The following ATP2B1 variants were observed in gnomAD, a reference collection of about 807,000 sequenced individuals.
The protein encoded by ATP2B1 is ATPase plasma membrane Ca2+ transporting 1.
A neutral mutation model predicts 124.2 loss-of-function variants in ATP2B1; 14 were observed. The observed-to-expected ratio is 0.11, with a 90% CI of 0.07 to 0.18. The LOEUF (loss-of-function observed/expected upper bound fraction) is 0.18, where lower values mean the gene tolerates loss of function less well. Among genes scored for constraint, ATP2B1 ranks in the 10% least tolerant of loss-of-function variants. ATP2B1 has a pLI of 1.00. For synonymous variants in ATP2B1, 449 were observed against 492.4 expected (o/e 0.91, Z 1.17); for missense variants, 763 against 1,466.1 (o/e 0.52, Z 7.83).
At chr12:89,659,816 G>C (rs544361561) in intron 1 of ATP2B1, among the ~76,000 whole-genome samples, 1 of 151,434 alleles carries the variant, frequency 6.6e-6, no homozygotes, top group East Asian at 1.9e-4. Context: ...CCAGCTACTC[G>C]GGAGGCTGAG....
chr12:89,697,225 G>A (rs1467685250), intron 1 of ATP2B1, among the ~76,000 whole-genome samples: 1 of 152,072 alleles, frequency 6.6e-6, no homozygotes, highest in African/African-American at 2.4e-5. Context: ...GTAATTATTT[G>A]GAAAAAATGT....
intron 7 of ATP2B1, among the ~76,000 whole-genome samples, chr12:89,626,838 G>C (rs1880956420): frequency 6.6e-6 from 1 of 152,158 alleles, no homozygotes; most frequent in South Asian, 2.1e-4. Flanking sequence ...TAGGTAATGA[G>C]GATGAGGCAT....
At chr12:89,702,870 G>A (rs1011672621) in intron 1 of ATP2B1, among the ~76,000 whole-genome samples, 8 of 152,014 alleles carry the variant, frequency 5.3e-5, no homozygotes, top group African/African-American at 1.7e-4. Flanking sequence ...CACCACATAC[G>A]ATTTGGAATA....
At chr12:89,624,080 A>C (rs2136105609) in intron 9 of ATP2B1, 103 bp downstream of exon 9, 1 of 982,142 alleles carries the variant, frequency 1.0e-6, no homozygotes, top group East Asian at 2.6e-5. Flanking sequence ...TTTATATGAA[A>C]GTCCTCACTT....
chr12:89,699,480 A>T (rs1891559692), intron 1 of ATP2B1, among the ~76,000 whole-genome samples: 1 of 152,244 alleles, frequency 6.6e-6, no homozygotes, highest in African/African-American at 2.4e-5. Flanking sequence ...GAATAAAGAA[A>T]TAAATGGTTG....
At position 89,610,546 on chromosome 12, in the gene ATP2B1, T is replaced by TA. The variant is rs1877802876; in HGVS notation, c.2248-39dup. Reference sequence around the variant, plus strand: ...ATCAAAGTTAAAATATGCCCAAACATAGTTTCTTAAATCCTAATGAGCTAT... The same window carrying TA: ...ATCAAAGTTAAAATATGCCCAAACATAAGTTTCTTAAATCCTAATGAGCTAT... On this transcript the variant is annotated intron_variant, in intron 13 of 20. Transcript: ENST00000428670. 5 of 1,526,122 alleles carry TA rather than the reference T, an allele frequency of 3.3e-6. No individual in the cohort carries two copies. In the African/African-American group the frequency reaches 5.5e-5, roughly 17 times the overall value. The allele number at this position is 1,526,122 out of a possible 1,614,324, so 94.5% of individuals were successfully genotyped here.
chr12:89,627,827 G>A, intron 6 of ATP2B1, 111 bp from the exon 7 acceptor site: 2 of 1,164,828 alleles, frequency 1.7e-6, no homozygotes, highest in South Asian at 1.4e-5. Context: ...AATGGTGTGT[G>A]TGTCTACAGA....
chr12:89,703,986 T>G (rs1444600312), intron 1 of ATP2B1, among the ~76,000 whole-genome samples: 1 of 152,186 alleles, frequency 6.6e-6, no homozygotes. Flanking sequence ...TGATTCTTCA[T>G]GCACATTAAT....
At position 89,708,664 on chromosome 12, in the gene ATP2B1, T is replaced by G. The variant is rs10858919; in HGVS notation, c.-290A>C. The G allele has an allele frequency of 0.93, 140,543 of 151,760 alleles. 65,410 individuals are homozygous for G. The highest frequency in any genetic ancestry group is 1 in the East Asian group (5,038 of 5,054). The allele number at this position is 151,760 out of a possible 1,614,324, so 9.4% of individuals were successfully genotyped here. A position where few individuals can be genotyped will look rare whatever the true frequency, so the allele number is the denominator to read the frequency against. On this transcript the variant is annotated 5_prime_UTR_variant, in exon 1 of 21. Transcript: ENST00000428670. The stretch of plus-strand genomic sequence containing the variant: ...CAGGCTGCGGGAGGGTCGCGGGGCG[T>G]TAAGGGGCAGCGGGAAACGCAGAGG...
intron 8 of ATP2B1, 72 bp downstream of exon 8, chr12:89,626,382 T>C (rs1880877690): frequency 2.0e-6 from 3 of 1,469,758 alleles, no homozygotes; most frequent in Admixed American, 2.4e-5. Flanking sequence ...GCCTTAAGTG[T>C]GTCAAAAGAC....
At chr12:89,706,610 G>T (rs1892481663) in intron 1 of ATP2B1, among the ~76,000 whole-genome samples, 2 of 152,042 alleles carry the variant, frequency 1.3e-5, no homozygotes, top group Non-Finnish European at 2.9e-5. Context: ...TACAATTGCA[G>T]AAATTTCTCT....
intron 18 of ATP2B1, among the ~76,000 whole-genome samples, chr12:89,602,546 C>G (rs550677642): frequency 1.3e-5 from 2 of 152,132 alleles, no homozygotes; most frequent in East Asian, 3.9e-4. Flanking sequence ...TTGTTAGTAG[C>G]CCAATTAGAT....
intron 12 of ATP2B1, among the ~76,000 whole-genome samples, chr12:89,616,381 G>A (rs1878970788): frequency 6.6e-6 from 1 of 152,174 alleles, no homozygotes; most frequent in Non-Finnish European, 1.5e-5. Flanking sequence ...ACTAGCCACT[G>A]AAAACTAGAA....
chr12:89,700,688 AT>A (rs933601642), intron 1 of ATP2B1, among the ~76,000 whole-genome samples: 7 of 152,054 alleles, frequency 4.6e-5, no homozygotes, highest in Non-Finnish European at 7.4e-5. Flanking sequence ...ATTTCTTTTT[AT>A]TTTCTTCACT....
chr12:89,662,813 G>C (rs933497386), intron 1 of ATP2B1, among the ~76,000 whole-genome samples: 1 of 151,896 alleles, frequency 6.6e-6, no homozygotes, highest in Non-Finnish European at 1.5e-5. Context: ...CTCTTCCAGA[G>C]GCAGAGACTA....
intron 1 of ATP2B1, among the ~76,000 whole-genome samples, chr12:89,675,313 G>A (rs937222210): frequency 9.2e-5 from 14 of 152,224 alleles, no homozygotes; most frequent in Non-Finnish European, 1.5e-4. Context: ...TACATAATGC[G>A]TAAATTTAAC....
intron 8 of ATP2B1, among the ~76,000 whole-genome samples, chr12:89,624,980 T>G (rs369605803): frequency 6.6e-6 from 1 of 152,126 alleles, no homozygotes; most frequent in African/African-American, 2.4e-5. Context: ...TATTAAAAAA[T>G]AGGGCAGCTG....
At position 89,686,075 on chromosome 12, in the gene ATP2B1, C is replaced by T. The variant is rs1309421541; in HGVS notation, c.-222+22521G>A. On this transcript the variant is annotated intron_variant, in intron 1 of 20. Transcript: ENST00000428670. ...CAGACTAACAGATCCACTTTTGCTT[C>T]GGACATTATTTAATTTTAATATACT... Among the ~76,000 whole-genome samples, 4 of 152,062 alleles carry T rather than the reference C, an allele frequency of 2.6e-5. No individual in the cohort carries two copies. The East Asian group carries it at 7.7e-4, about 29-fold the overall frequency.
chr12:89,647,774 T>C (rs973429656), intron 2 of ATP2B1, among the ~76,000 whole-genome samples: 11 of 152,122 alleles, frequency 7.2e-5, no homozygotes, highest in Admixed American at 1.3e-4. Flanking sequence ...AGTGGGGTAA[T>C]TGGATCATGG....
Sources: gnomAD v4.1 joint callset for allele counts (sites outside exome capture counted in the v4.1 genomes callset) on GRCh38, gnomAD v4.1.1 for gene constraint, MANE v1.5 for transcripts, NCBI Gene and HGNC (gene_info 2026-07-23, HGNC 2026-07-21) for gene names.